Variants in ATG16L2 observed in about 807,000 individuals in gnomAD.
The protein encoded by ATG16L2 is protein Atg16l2.
ATG16L2 carries 77 observed loss-of-function variants against 84.7 expected under a neutral mutation model. The observed-to-expected ratio is 0.91, with a 90% CI of 0.76 to 1.10. ATG16L2 has a LOEUF of 1.10. ATG16L2 is among the 50% of genes least tolerant of loss of function. The probability of loss-of-function intolerance (pLI) is 0.00; values close to 1 mark genes in which losing one functional copy is unlikely to be tolerated. For missense variants in ATG16L2, 782 were observed against 817.6 expected (o/e 0.96, Z 0.53); for synonymous variants, 361 against 342.8 (o/e 1.05, Z -0.59).
chr11:72,825,316 T>C lies in ATG16L2; in HGVS notation c.1011T>C (p.Ser337=), dbSNP rs1415316724. The change falls in exon 10 of 18, where the codon TCT becomes TCC. Residue 337 remains serine (S), a synonymous_variant. Transcript: ENST00000321297. ...RAQDVLDAHL[S]EVNAVRFGPN... ...TTTCCCCACAGGATGCCCACCTCTC[T>C]GAGGTCAATGCTGTTCGTTTTGGCC... 2 of 1,613,460 alleles carry C rather than the reference T, an allele frequency of 1.2e-6. No individual in the cohort carries two copies. Among genetic ancestry groups the C allele is most frequent in the South Asian group, 2.2e-5 (2 of 91,078 alleles).
At position 72,822,057 on chromosome 11, in the gene ATG16L2, G is replaced by C; in HGVS notation, c.406G>C (p.Glu136Gln). 6.6e-7 allele frequency: 1 copy of C among 1,513,122 alleles called. No homozygotes were observed. Among genetic ancestry groups the C allele is most frequent in the South Asian group, 1.3e-5 (1 of 78,374 alleles). The allele number at this position is 1,513,122 out of a possible 1,614,324, so 93.7% of individuals were successfully genotyped here. Residue 136 changes from glutamate (E) to glutamine (Q), a missense_variant, in exon 5 of 18, where the codon GAG (glutamate) becomes CAG (glutamine). By Grantham distance (29) the Glu-to-Gln change is conservative. Coordinates refer to ENST00000321297, the MANE Select transcript of ATG16L2 (RefSeq NM_033388.2). The surrounding 1 kb of genome is among the most constrained non-coding windows in gnomAD (Gnocchi z 4.2). ...QQRQSRLAALEARVAQLREAR... is the reference protein window; with the variant it reads ...QQRQSRLAALQARVAQLREAR... ...TCCGTCCTCCAGGCTGGCAGCCCTG[G>C]AGGCCCGCGTGGCGCAGCTGCGAGA...
intron 17 of ATG16L2, 94 bp from the exon 18 acceptor site, chr11:72,829,209 G>T (rs1048428922): frequency 1.2e-5 from 16 of 1,368,192 alleles, no homozygotes; most frequent in Non-Finnish European, 1.5e-5. Context: ...TCAAGAGAGG[G>T]CCTCAAACTA....
chr11:72,841,629 G>T, intron 5 of ATG16L2: 1 of 1,532,124 alleles, frequency 6.5e-7, no homozygotes. Flanking sequence ...CCTCCAGGAA[G>T]GAGAGCCTGG....
chr11:72,832,015 C>T (rs954068806), downstream of ATG16L2, among the ~76,000 whole-genome samples: 1 of 152,236 alleles, frequency 6.6e-6, no homozygotes, highest in Non-Finnish European at 1.5e-5. Context: ...TCTAACCTGA[C>T]TCCCTCCCTA....
At position 72,828,422 on chromosome 11, in the gene ATG16L2, C is replaced by G; in HGVS notation, c.1536C>G (p.His512Gln). ...QGRVTSLSLSHDQLHLLSCSR... is the reference protein window; with the variant it reads ...QGRVTSLSLSQDQLHLLSCSR... ...GGGTCACCTCCCTGAGCCTCAGCCA[C>G]GACCAACTGCACCTGCTCAGCTGTT... is the stretch of plus-strand genomic sequence containing the variant. Residue 512 changes from histidine to glutamine, a missense_variant, in exon 15 of 18, where the codon CAC becomes CAG. Coordinates refer to ENST00000321297, the MANE Select transcript of ATG16L2 (RefSeq NM_033388.2). 1.2e-6 allele frequency: 2 copies of G among 1,614,188 alleles called. No individual in the cohort carries two copies. The highest frequency in any genetic ancestry group is 1.7e-6 in the Non-Finnish European group (2 of 1,180,038).
At position 72,828,396 on chromosome 11, in the gene ATG16L2, C is replaced by T. The variant is rs141976065; in HGVS notation, c.1510C>T (p.Arg504Trp). 25 of 1,614,046 alleles carry T rather than the reference C, an allele frequency of 1.5e-5. 1 individual carries two copies. In the Admixed American group the frequency reaches 2.5e-4, roughly 16 times the overall value. Reference sequence around the variant, plus strand: ...CACCCAGGTCATCCCTGTGCAGGGCCGGGTCACCTCCCTGAGCCTCAGCCA... The same window carrying T: ...CACCCAGGTCATCCCTGTGCAGGGCTGGGTCACCTCCCTGAGCCTCAGCCA... Reference protein sequence around the residue: ...HCTQVIPVQGRVTSLSLSHDQ... With the variant: ...HCTQVIPVQGWVTSLSLSHDQ... The change falls in exon 15 of 18, where the codon CGG becomes TGG. Residue 504 changes from arginine (R) to tryptophan (W), a missense_variant. Arg to Trp is a moderately radical substitution (Grantham distance 101). Transcript: ENST00000321297.
At position 72,822,098 on chromosome 11, in the gene ATG16L2, GGCCCA is replaced by G; in HGVS notation, c.450_454del (p.Gln151GlyfsTer106). 6.5e-7 allele frequency: 1 copy of G among 1,539,448 alleles called. No homozygotes were observed. The highest frequency in any genetic ancestry group is 8.7e-7 in the Non-Finnish European group (1 of 1,153,832). On this transcript the variant is annotated frameshift_variant, in exon 5 of 18. Coordinates refer to ENST00000321297, the MANE Select transcript of ATG16L2 (RefSeq NM_033388.2). LOFTEE classifies it high-confidence loss of function. The surrounding 1 kb of genome is among the most constrained non-coding windows in gnomAD (Gnocchi z 4.2). ...AGCTGCGAGAGGCGCGGGCGCAGCAGGCCCAGCAGGTGGAGGAGTGGCGGGCGCAG... is the reference window on the plus strand; with the variant it reads ...AGCTGCGAGAGGCGCGGGCGCAGCAGGCAGGTGGAGGAGTGGCGGGCGCAG...
chr11:72,827,417 G>C (rs1458402206), intron 14 of ATG16L2, 124 bp downstream of exon 14: 2 of 749,556 alleles, frequency 2.7e-6, no homozygotes, highest in Non-Finnish European at 2.2e-6. Flanking sequence ...AAGGCTGTGG[G>C]GCTGGCACTG....
rs777977970 is a variant in ATG16L2, at chr11:72,822,393, GC to G, written c.645-80del. 2.6e-5 allele frequency: 41 copies of G among 1,592,562 alleles called. No individual in the cohort carries two copies. The Middle Eastern group carries it at 5.0e-4, about 19-fold the overall frequency. On this transcript the variant is annotated intron_variant, in intron 5 of 17. Transcript: ENST00000321297. The surrounding 1 kb of genome is among the most constrained non-coding windows in gnomAD (Gnocchi z 4.2). ...TCTGGAAGGGAGGGGGGCAGCAGCC[GC>G]CCCCTGGAGGAAGGGACCGGGTCTA...
intron 14 of ATG16L2, 68 bp from the exon 15 acceptor site, chr11:72,828,291 G>A: frequency 6.3e-7 from 1 of 1,578,980 alleles, no homozygotes; most frequent in Non-Finnish European, 8.7e-7. Flanking sequence ...TGCTGCGCCT[G>A]GCCCCTTCCT....
chr11:72,826,403 C>T, intron 11 of ATG16L2, 115 bp from the exon 12 acceptor site: 1 of 1,479,848 alleles, frequency 6.8e-7, no homozygotes, highest in Non-Finnish European at 9.2e-7. Context: ...GCTCCTTTGC[C>T]TGCCTTGGTG....
At chr11:72,829,719 T>G, downstream of ATG16L2, 1 of 889,716 alleles carries the variant, frequency 1.1e-6, no homozygotes, top group Non-Finnish European at 1.4e-6. Context: ...CTTGGCCCCC[T>G]TCCTCCTTCC....
intron 5 of ATG16L2, among the ~76,000 whole-genome samples, chr11:72,835,231 C>T (rs966467752): frequency 2.0e-5 from 3 of 152,232 alleles, no homozygotes; most frequent in Non-Finnish European, 4.4e-5. Flanking sequence ...AATGACATTT[C>T]GTGTCCTGAC....
At chr11:72,828,135 G>T (rs563451221) in intron 14 of ATG16L2, among the ~76,000 whole-genome samples, 1 of 150,248 alleles carries the variant, frequency 6.7e-6, no homozygotes, top group Non-Finnish European at 1.5e-5. Context: ...GGTTTCAAAG[G>T]CTCCAGCTTT....
chr11:72,826,946 C>A, intron 13 of ATG16L2, 123 bp downstream of exon 13: 1 of 1,159,830 alleles, frequency 8.6e-7, no homozygotes, highest in Non-Finnish European at 1.2e-6. Context: ...GGGGGTGAAA[C>A]CTCTCAAGGC....
In ATG16L2 at chr11:72,814,420, G is replaced by A. The variant is rs1395282229; in HGVS notation, c.-26G>A. The A allele has an allele frequency of 4.3e-6, 6 of 1,394,002 alleles. No individual in the cohort carries two copies. The highest frequency in any genetic ancestry group is 4.7e-6 in the Non-Finnish European group (5 of 1,060,778). The allele number at this position is 1,394,002 out of a possible 1,614,324, so 86.4% of individuals were successfully genotyped here. On this transcript the variant is annotated 5_prime_UTR_variant, in exon 1 of 18. Transcript: ENST00000321297. ...TGGCGCCGTCCTGGGCGGGAGGAAC[G>A]CGCCGCTAGGCGGGAGAGCGCGGCC... is the stretch of plus-strand genomic sequence containing the variant.
chr11:72,827,393 C>A, intron 14 of ATG16L2, 100 bp downstream of exon 14: 1 of 1,002,944 alleles, frequency 1.0e-6, no homozygotes, highest in Non-Finnish European at 1.5e-6. Flanking sequence ...GTCTTGGTGG[C>A]ACTTTGGGCA....
In ATG16L2 at chr11:72,838,779, G is replaced by A. The variant is rs1253131838; in HGVS notation, c.*22-3838G>A. ...CCTTGATTGTAGCAGTAATGGATGG[G>A]CAAGCCCATCATCACACCAGTGTGA... On this transcript the variant is annotated intron_variant, in intron 5 of 5. Transcript: ENST00000534905. 4 of 1,589,110 alleles carry A rather than the reference G, an allele frequency of 2.5e-6. No individual in the cohort carries two copies. In the African/African-American group the frequency reaches 4.0e-5, roughly 16 times the overall value.
At chr11:72,841,362 AAAGC>A in intron 5 of ATG16L2, 1 of 1,124,922 alleles carries the variant, frequency 8.9e-7, no homozygotes, top group Non-Finnish European at 1.2e-6. Flanking sequence ...AAAAAAAAAA[AAAGC>A]AAATGCAGTT....
Sources: gnomAD v4.1 joint callset for allele counts (sites outside exome capture counted in the v4.1 genomes callset) on GRCh38, gnomAD v4.1.1 for gene constraint, Gnocchi (gnomAD v3.1) non-coding constraint, MANE v1.5 for transcripts, NCBI Gene and HGNC (gene_info 2026-07-23, HGNC 2026-07-21) for gene names.